Variants in GTF2IRD2 observed in about 807,000 individuals in gnomAD.
GTF2IRD2 encodes general transcription factor II-I repeat domain-containing protein 2A.
In GTF2IRD2, 8 loss-of-function variants were observed where a neutral mutation model predicts 49.2. The observed-to-expected ratio is 0.16, with a 90% CI of 0.10 to 0.29. The LOEUF is 0.29. Ranked by LOEUF, GTF2IRD2 falls within the 10% of genes least tolerant of loss-of-function variation. The probability of loss-of-function intolerance (pLI) is 1.00; values close to 1 mark genes in which losing one functional copy is unlikely to be tolerated. For synonymous variants in GTF2IRD2, 47 were observed against 289.7 expected (o/e 0.16, Z 8.51); for missense variants, 130 against 725.7 (o/e 0.18, Z 9.43).
intron 1 of GTF2IRD2, among the ~76,000 whole-genome samples, chr7:74,841,044 T>A (rs1286161137): frequency 7.8e-6 from 1 of 128,074 alleles, no homozygotes; most frequent in Admixed American, 7.9e-5. Flanking sequence ...AGACGGGGTT[T>A]CACCATGTTG....
chr7:74,806,531 CG>C (rs1469963666), intron 12 of GTF2IRD2, among the ~76,000 whole-genome samples: 1 of 152,266 alleles, frequency 6.6e-6, no homozygotes, highest in Non-Finnish European at 1.5e-5. Context: ...AGGATGGTCT[CG>C]ATCTCCTGAC....
intron 6 of GTF2IRD2, chr7:74,822,058 T>G (rs1798941773): frequency 2.9e-6 from 1 of 344,476 alleles, no homozygotes; most frequent in African/African-American, 2.3e-5. Flanking sequence ...TTTGTTTTTT[T>G]TTTTTTGAGA....
chr7:74,842,593 T>C (rs139960537), intron 1 of GTF2IRD2, among the ~76,000 whole-genome samples: 3 of 145,302 alleles, frequency 2.1e-5, no homozygotes, highest in African/African-American at 8.0e-5. Context: ...CAGGCTGACG[T>C]GCAGTGCCAT....
rs1554421648 is a variant in GTF2IRD2, at chr7:74,840,474, G to A, written c.-5-4091C>T. The stretch of plus-strand genomic sequence containing the variant: ...AGGCACCCTGGGGACGGCGACCCAC[G>A]GGCCTTCTCTGTGCTTCCTGCTCTC... On this transcript the variant is annotated intron_variant, in intron 1 of 15. Coordinates refer to ENST00000451013, the MANE Select transcript of GTF2IRD2 (RefSeq NM_173537.5). Among the ~76,000 whole-genome samples the A allele has an allele frequency of 4.6e-5, 3 of 64,696 alleles. 1 individual carries two copies. Among genetic ancestry groups the A allele is most frequent in the Non-Finnish European group, 8.3e-5 (3 of 36,356 alleles). The allele number at this position is 64,696 out of a possible 152,430, so 42.4% of individuals were successfully genotyped here. A position where few individuals can be genotyped will look rare whatever the true frequency, so the allele number is the denominator to read the frequency against.
chr7:74,818,445 C>CCT (rs781997059), intron 8 of GTF2IRD2, among the ~76,000 whole-genome samples: 19,979 of 99,230 alleles, frequency 0.2, 4,274 homozygotes, highest in African/African-American at 0.5. Context: ...TAGAAGGCTC[C>CCT]CTCTCTCTCT....
intron 8 of GTF2IRD2, among the ~76,000 whole-genome samples, chr7:74,815,280 G>A (rs1323180120): frequency 1.2e-5 from 1 of 84,314 alleles, no homozygotes; most frequent in Admixed American, 1.6e-4. Context: ...GTGAAAACCC[G>A]TCTCTATTAA....
intron 1 of GTF2IRD2, among the ~76,000 whole-genome samples, chr7:74,840,936 C>T (rs1800769080): frequency 2.1e-5 from 2 of 97,338 alleles, no homozygotes; most frequent in South Asian, 3.7e-4. Flanking sequence ...CAACCTCTAC[C>T]TCCCAGGTTC....
rs149079969 is a variant in GTF2IRD2, at chr7:74,797,100, G to A, written c.2412C>T (p.Ala804=). The A allele has an allele frequency of 6.4e-7, 1 of 1,558,658 alleles. No individual in the cohort carries two copies. Among genetic ancestry groups the A allele is most frequent in the Non-Finnish European group, 8.7e-7 (1 of 1,147,660 alleles). ...WETHLTRNNL[A]HFPTLKLASR... ...AAGCCAATTTCAGGGTGGGAAAGTG[G>A]GCCAGATTATTCCTCGTCAAATGAG... is the stretch of plus-strand genomic sequence containing the variant. The change falls in exon 16 of 16, where the codon GCC becomes GCT. Residue 804 remains alanine, a synonymous_variant. Coordinates refer to ENST00000451013, the MANE Select transcript of GTF2IRD2 (RefSeq NM_173537.5).
At chr7:74,816,184 CT>C (rs1798522240) in intron 8 of GTF2IRD2, among the ~76,000 whole-genome samples, 1 of 36,018 alleles carries the variant, frequency 2.8e-5, no homozygotes, top group African/African-American at 1.9e-4. Context: ...CAGGTTCTTT[CT>C]TTTTTCTTTT....
intron 11 of GTF2IRD2, among the ~76,000 whole-genome samples, chr7:74,807,381 G>A (rs1797862027): frequency 2.6e-5 from 2 of 76,926 alleles, no homozygotes; most frequent in Non-Finnish European, 5.4e-5. Flanking sequence ...AGGTTCAAGT[G>A]ATTCTCGTGC....
chr7:74,840,495 C>T (rs1800723704), intron 1 of GTF2IRD2, among the ~76,000 whole-genome samples: 1 of 67,814 alleles, frequency 1.5e-5, no homozygotes, highest in Admixed American at 1.7e-4. Flanking sequence ...GTGCTTCCTG[C>T]TCTCTGGAAA....
intron 8 of GTF2IRD2, among the ~76,000 whole-genome samples, chr7:74,813,456 G>T (rs2131680268): frequency 1.6e-5 from 1 of 62,374 alleles, no homozygotes; most frequent in Non-Finnish European, 4.1e-5. Flanking sequence ...GCTTAGTTCT[G>T]ATTCTAGTCC....
intron 15 of GTF2IRD2, among the ~76,000 whole-genome samples, chr7:74,800,369 T>C (rs1285962492): frequency 1.5e-5 from 2 of 135,658 alleles, no homozygotes; most frequent in African/African-American, 5.6e-5. Context: ...CGCGCCACCA[T>C]GCCCGACTAA....
chr7:74,836,697 C>T (rs1800369334), intron 1 of GTF2IRD2, among the ~76,000 whole-genome samples: 1 of 152,266 alleles, frequency 6.6e-6, no homozygotes, highest in African/African-American at 2.4e-5. Context: ...TCCCCAGCAG[C>T]TGGGACTACA....
At chr7:74,822,954 G>A (rs1460123587) in intron 4 of GTF2IRD2, 147 bp from the exon 5 acceptor site, 2 of 543,894 alleles carry the variant, frequency 3.7e-6, no homozygotes, top group Non-Finnish European at 3.1e-6. Context: ...TCGGCTCGCT[G>A]CAACCTCCAC....
At chr7:74,836,096 A>C (rs1348262207) in intron 2 of GTF2IRD2, among the ~76,000 whole-genome samples, 184 bp downstream of exon 2, 1 of 135,228 alleles carries the variant, frequency 7.4e-6, no homozygotes, top group Non-Finnish European at 1.5e-5. Flanking sequence ...GCTTGAACCC[A>C]GGAGGCAGAG....
intron 1 of GTF2IRD2, among the ~76,000 whole-genome samples, chr7:74,846,835 G>C (rs1178556526): frequency 2.6e-5 from 1 of 37,952 alleles, no homozygotes. Flanking sequence ...TTTTTGTAGA[G>C]ACAAAGTTTC....
chr7:74,799,011 C>CTTTTTTTTTTTTTTTTTTTT (rs1286153945), intron 15 of GTF2IRD2: 3 of 129,208 alleles, frequency 2.3e-5, no homozygotes, highest in Non-Finnish European at 4.9e-5. Context: ...TTTTCTTTTT[C>CTTTTTTTTTTTTTTTTTTTT]TTTTTTTTTT....
rs1763840251 is a variant in GTF2IRD2, at chr7:74,796,472, G to A, written c.*190C>T. The A allele has an allele frequency of 1.8e-6, 1 of 554,588 alleles. No homozygotes were observed. The highest frequency in any genetic ancestry group is 2.0e-5 in the South Asian group (1 of 50,006). 34.4% of individuals were successfully genotyped at this position (554,588 alleles called of 1,614,324 possible). The stretch of plus-strand genomic sequence containing the variant: ...AGCTGCTCGGGAGGCTGAGGCAGGA[G>A]AATCGTTCGAACCCAGGAGCTGGAA... On this transcript the variant is annotated 3_prime_UTR_variant, in exon 16 of 16. Coordinates refer to ENST00000451013, the MANE Select transcript of GTF2IRD2 (RefSeq NM_173537.5).
Sources: allele counts gnomAD v4.1 joint callset (sites outside exome capture counted in the v4.1 genomes callset), GRCh38; gene constraint gnomAD v4.1.1; transcripts MANE v1.5; gene names NCBI Gene and HGNC (gene_info 2026-07-23, HGNC 2026-07-21).